PACSIN2: variants seen among roughly 807,000 people sequenced by gnomAD.
PACSIN2 encodes the protein protein kinase C and casein kinase substrate in neurons 2.
A neutral mutation model predicts 63.8 loss-of-function variants in PACSIN2; 25 were observed. The observed-to-expected ratio is 0.39, with a 90% confidence interval of 0.29 to 0.55. The LOEUF is 0.55. Among genes scored for constraint, PACSIN2 ranks in the 20% least tolerant of loss-of-function variants. The pLI, the probability that PACSIN2 is intolerant of heterozygous loss-of-function variation, is 0.62. For synonymous variants in PACSIN2, 255 were observed against 256.2 expected (o/e 1.00, Z 0.05); for missense variants, 518 against 646.9 (o/e 0.80, Z 2.16).
At chr22:42,884,269 G>A in intron 6 of PACSIN2, 117 bp downstream of exon 6, 1 of 886,890 alleles carries the variant, frequency 1.1e-6, no homozygotes, top group Non-Finnish European at 1.8e-6. Context: ...TGAGGGCGGT[G>A]AGGAGACCTC....
chr22:42,882,986 G>A (rs1251027268), intron 6 of PACSIN2, among the ~76,000 whole-genome samples: 1 of 152,186 alleles, frequency 6.6e-6, no homozygotes. Context: ...TAGGAGACAT[G>A]CTGGAGTCCA....
chr22:42,924,883 A>G (rs1191062189), intron 1 of PACSIN2, among the ~76,000 whole-genome samples: 1 of 151,756 alleles, frequency 6.6e-6, no homozygotes, highest in African/African-American at 2.4e-5. Flanking sequence ...CAGCCTCCCA[A>G]GTAGCTGGGA....
At chr22:42,930,254 G>C (rs772795306) in intron 1 of PACSIN2, among the ~76,000 whole-genome samples, 6 of 152,192 alleles carry the variant, frequency 3.9e-5, no homozygotes, top group Admixed American at 2.6e-4. Context: ...CTATTATTTT[G>C]AGGGTCTCTG....
chr22:42,924,077 C>T (rs1345087396), intron 1 of PACSIN2, among the ~76,000 whole-genome samples: 3 of 151,788 alleles, frequency 2.0e-5, no homozygotes, highest in East Asian at 1.9e-4. Context: ...GGAGAATACC[C>T]GACTTTGTTT....
intron 1 of PACSIN2, among the ~76,000 whole-genome samples, chr22:42,994,442 T>C (rs760811420): frequency 6.6e-6 from 1 of 152,322 alleles, no homozygotes; most frequent in East Asian, 1.9e-4. Context: ...GGCGTGCTTA[T>C]GGGGACACCC....
rs1258400981 is a variant in PACSIN2, at chr22:42,891,176, T to C, written c.224A>G (p.Gln75Arg). ...CCAGGCCTTCTCCACGGTCCCGTAC[T>C]GGGGCCCTGTGCAGGGGAGAGAAGC... Reference protein sequence around the residue: ...RWRQLVEKGPQYGTVEKAWMA... With the variant: ...RWRQLVEKGPRYGTVEKAWMA... Residue 75 changes from glutamine (Q) to arginine (R), a missense_variant, in exon 4 of 11, where the codon CAG becomes CGG. This residue lies in a region of PACSIN2 where 507 missense variants were observed against 612.3 expected (regional missense o/e 0.83). Transcript: ENST00000263246. 2 of 1,612,192 alleles carry C rather than the reference T, an allele frequency of 1.2e-6. No homozygotes were observed. The highest frequency in any genetic ancestry group is 1.7e-6 in the Non-Finnish European group (2 of 1,178,898).
chr22:42,880,826 G>A (rs977419876), intron 7 of PACSIN2, among the ~76,000 whole-genome samples: 5 of 151,960 alleles, frequency 3.3e-5, no homozygotes, highest in African/African-American at 1.2e-4. Flanking sequence ...CCCTCTTTGG[G>A]TATAATGGGC....
intron 1 of PACSIN2, among the ~76,000 whole-genome samples, chr22:42,965,043 G>A (rs1342136856): frequency 6.6e-6 from 1 of 152,196 alleles, no homozygotes; most frequent in Non-Finnish European, 1.5e-5. Context: ...TCTCTATAGA[G>A]GACATCAAAA....
At chr22:42,977,328 A>C (rs538010384) in intron 1 of PACSIN2, among the ~76,000 whole-genome samples, 2 of 152,336 alleles carry the variant, frequency 1.3e-5, no homozygotes, top group East Asian at 3.9e-4. Context: ...AGAGTTCCTA[A>C]AAATTCAAAA....
chr22:42,920,152 A>G (rs1415537829), intron 1 of PACSIN2, among the ~76,000 whole-genome samples: 1 of 152,100 alleles, frequency 6.6e-6, no homozygotes, highest in Non-Finnish European at 1.5e-5. Context: ...TCTAAAAAAG[A>G]AAAAAAGAAA....
intron 1 of PACSIN2, among the ~76,000 whole-genome samples, chr22:42,967,934 T>TA (rs1469449489): frequency 6.6e-6 from 1 of 152,194 alleles, no homozygotes; most frequent in East Asian, 1.9e-4. Flanking sequence ...TTAGGTACTT[T>TA]ACTGAGTGCA....
chr22:42,893,287 G>A (rs1344961563), intron 3 of PACSIN2, among the ~76,000 whole-genome samples, 170 bp downstream of exon 3: 1 of 152,216 alleles, frequency 6.6e-6, no homozygotes, highest in Non-Finnish European at 1.5e-5. Flanking sequence ...CTGGTGATGG[G>A]CGCTAATGCT....
intron 1 of PACSIN2, among the ~76,000 whole-genome samples, chr22:42,931,174 G>C (rs952735922): frequency 6.6e-6 from 1 of 152,196 alleles, no homozygotes; most frequent in Non-Finnish European, 1.5e-5. Flanking sequence ...TGTATCCCAC[G>C]GCTGGGCACA....
At chr22:42,911,223 G>T (rs1014118978) in intron 2 of PACSIN2, among the ~76,000 whole-genome samples, 9 of 151,966 alleles carry the variant, frequency 5.9e-5, no homozygotes, top group Non-Finnish European at 7.4e-5. Flanking sequence ...CTCTTTCCAT[G>T]AAGGCCAAGA....
At chr22:42,914,955 A>G (rs1931715662) in intron 1 of PACSIN2, among the ~76,000 whole-genome samples, 1 of 152,054 alleles carries the variant, frequency 6.6e-6, no homozygotes, top group South Asian at 2.1e-4. Context: ...CCTCGAACTC[A>G]TGGGCTCAAG....
intron 1 of PACSIN2, among the ~76,000 whole-genome samples, chr22:43,009,667 T>A (rs990639786): frequency 3.9e-5 from 6 of 152,154 alleles, no homozygotes; most frequent in Non-Finnish European, 8.8e-5. Flanking sequence ...CTAGTCTCCA[T>A]CCACGCTCCT....
At position 42,874,099 on chromosome 22, in the gene PACSIN2, C is replaced by G. The variant is rs536582434; in HGVS notation, c.1348+2038G>C. ...GCCATCGTGCCCGGACAAGATAACA[C>G]TTTTCAAATTGAAGATGTGAAAAGC... On this transcript the variant is annotated intron_variant, in intron 10 of 10. Coordinates refer to ENST00000263246, the MANE Select transcript of PACSIN2 (RefSeq NM_001184970.3). Among the ~76,000 whole-genome samples, 3 of 152,214 alleles carry G rather than the reference C, an allele frequency of 2.0e-5. No homozygotes were observed. In the East Asian group the frequency reaches 5.8e-4, roughly 29 times the overall value.
intron 1 of PACSIN2, among the ~76,000 whole-genome samples, chr22:42,934,249 G>A (rs1406964244): frequency 2.0e-5 from 3 of 152,214 alleles, no homozygotes; most frequent in Admixed American, 6.5e-5. Context: ...ACATATAACC[G>A]AGGCCCAGAG....
intron 2 of PACSIN2, among the ~76,000 whole-genome samples, chr22:42,898,944 A>C (rs1930482524): frequency 1.3e-5 from 2 of 152,110 alleles, no homozygotes; most frequent in South Asian, 2.1e-4. Context: ...TGCTGGGGGG[A>C]CTATCCAAAG....
Sources: allele counts gnomAD v4.1 joint callset (sites outside exome capture counted in the v4.1 genomes callset), GRCh38; gene constraint gnomAD v4.1.1; regional missense constraint gnomAD v4.1.1; transcripts MANE v1.5; gene names NCBI Gene and HGNC (gene_info 2026-07-23, HGNC 2026-07-21).